GLUD1: variants seen among roughly 807,000 people sequenced by gnomAD.
GLUD1 encodes the protein glutamate dehydrogenase 1, also known as glutamate dehydrogenase 1, mitochondrial.
A neutral mutation model predicts 56.0 loss-of-function variants in GLUD1; 22 were observed. The ratio of observed to expected loss-of-function variants is 0.39; its 90% CI spans 0.28 to 0.56. GLUD1 has a LOEUF of 0.56. Among genes scored for constraint, GLUD1 ranks in the 20% least tolerant of loss-of-function variants. GLUD1 has a pLI of 0.58. For missense variants in GLUD1, 451 were observed against 732.0 expected (o/e 0.62, Z 4.43); for synonymous variants, 223 against 269.9 (o/e 0.83, Z 1.70).
At chr10:87,093,682 T>C (rs1841601676) in intron 1 of GLUD1, among the ~76,000 whole-genome samples, 2 of 152,246 alleles carry the variant, frequency 1.3e-5, no homozygotes, top group African/African-American at 2.4e-5. Flanking sequence ...GTCAGAGATA[T>C]TACATTGCTT....
chr10:87,054,796 G>A (rs1845722450), intron 11 of GLUD1, among the ~76,000 whole-genome samples: 1 of 152,172 alleles, frequency 6.6e-6, no homozygotes, highest in African/African-American at 2.4e-5. Flanking sequence ...TAGGAGAGAG[G>A]AGCAGACTTG....
rs1206370262 is a variant in GLUD1 at position 87,062,775 on chromosome 10, G to A, written c.802C>T (p.Arg268Cys). 2.5e-6 allele frequency: 4 copies of A among 1,614,098 alleles called. No individual in the cohort carries two copies. Among genetic ancestry groups the A allele is most frequent in the Admixed American group, 1.7e-5 (1 of 60,026 alleles). Residue 268 changes from arginine (R) to cysteine (C), a missense_variant, in exon 6 of 13, where the codon CGC (arginine) becomes TGC (cysteine). Physicochemically the swap from Arg to Cys is radical, Grantham distance 180. Around this residue, in one of 4 missense-constraint regions of GLUD1, gnomAD observed 248 missense variants for 460.0 expected, o/e 0.54. Transcript: ENST00000277865. ...ACACCACGGCCAGTAGCAGAGATGCGTCCATGGATTCCCCCTTGGCTGATG... is the reference window on the plus strand; with the variant it reads ...ACACCACGGCCAGTAGCAGAGATGCATCCATGGATTCCCCCTTGGCTGATG... ...KPISQGGIHG[R>C]ISATGRGVFH...
Position 87,064,782 on chromosome 10 carries a change from G to A in GLUD1, c.742-1947C>T, listed in dbSNP as rs561861679. 4.6e-5 allele frequency among the ~76,000 whole-genome samples: 7 copies of A among 152,300 alleles called. 1 individual carries two copies. The South Asian group carries it at 6.2e-4, about 14-fold the overall frequency. On this transcript the variant is annotated intron_variant, in intron 5 of 12. Transcript: ENST00000277865. Reference sequence around the variant, plus strand: ...ACTTATGAATACAGAAATGCAAACCGAGTGCCAAATGCTTTTAAACAGTGA... The same window carrying A: ...ACTTATGAATACAGAAATGCAAACCAAGTGCCAAATGCTTTTAAACAGTGA...
intron 4 of GLUD1, among the ~76,000 whole-genome samples, chr10:87,073,786 T>C (rs1846306197): frequency 6.6e-6 from 1 of 151,824 alleles, no homozygotes; most frequent in Non-Finnish European, 1.5e-5. Flanking sequence ...GCCTGGCAAA[T>C]TTTTTGTGTT....
intron 8 of GLUD1, 25 bp from the exon 9 acceptor site, chr10:87,060,266 G>A (rs549333564): frequency 6.6e-7 from 1 of 1,506,696 alleles, no homozygotes; most frequent in Admixed American, 1.7e-5. Context: ...GGAACATAGA[G>A]AAATGCGAAC....
chr10:87,094,104 G>T lies in GLUD1; in HGVS notation c.445+221C>A, dbSNP rs979290095. 47 of 1,503,754 alleles carry T rather than the reference G, an allele frequency of 3.1e-5. No homozygotes were observed. Among genetic ancestry groups the T allele is most frequent in the Non-Finnish European group, 3.8e-5 (43 of 1,128,474 alleles). The allele number at this position is 1,503,754 out of a possible 1,614,324, so 93.2% of individuals were successfully genotyped here. Reference sequence around the variant, plus strand: ...AGCATATACAGAGGCCCGGGGTGACGGCGCGGGGGAGGGGGCAGGCCAATC... The same window carrying T: ...AGCATATACAGAGGCCCGGGGTGACTGCGCGGGGGAGGGGGCAGGCCAATC... On this transcript the variant is annotated intron_variant, in intron 1 of 12. Transcript: ENST00000277865. This position sits in a 1 kb window ranked among gnomAD's most constrained non-coding sequence, Gnocchi z 6.6.
Position 87,094,083 on chromosome 10 carries a change from T to G in GLUD1, c.445+242A>C. On this transcript the variant is annotated intron_variant, in intron 1 of 12. Transcript: ENST00000277865. The surrounding 1 kb of genome is among the most constrained non-coding windows in gnomAD (Gnocchi z 6.6). ...GTCTACTCTGCATGCAAGATCAGCA[T>G]ATACAGAGGCCCGGGGTGACGGCGC... The G allele has an allele frequency of 6.6e-7, 1 of 1,512,172 alleles. No homozygotes were observed. The highest frequency in any genetic ancestry group is 2.5e-5 in the East Asian group (1 of 39,528). 93.7% of individuals were successfully genotyped at this position (1,512,172 alleles called of 1,614,324 possible). A position where few individuals can be genotyped will look rare whatever the true frequency, so the allele number is the denominator to read the frequency against.
intron 8 of GLUD1, 117 bp downstream of exon 8, chr10:87,060,571 C>G: frequency 2.5e-6 from 3 of 1,190,490 alleles, no homozygotes; most frequent in Non-Finnish European, 3.8e-6. Context: ...ATGGTATGTG[C>G]AGTATGTGCC....
At chr10:87,058,926 G>A (rs557685731) in intron 10 of GLUD1, among the ~76,000 whole-genome samples, 27 of 152,214 alleles carry the variant, frequency 1.8e-4, no homozygotes, top group African/African-American at 6.3e-4. Flanking sequence ...TATATTCTGT[G>A]AATATTACAT....
chr10:87,082,581 A>C (rs974972892), intron 1 of GLUD1, among the ~76,000 whole-genome samples: 2 of 152,246 alleles, frequency 1.3e-5, no homozygotes, highest in African/African-American at 4.8e-5. Flanking sequence ...CCAACAGAAC[A>C]GGGACAGGGA....
intron 3 of GLUD1, 110 bp from the exon 4 acceptor site, chr10:87,074,724 T>C (rs1846337322): frequency 1.5e-5 from 11 of 735,158 alleles, no homozygotes; most frequent in South Asian, 3.0e-5. Flanking sequence ...TGTCTTCTCA[T>C]GTAATCCTTA....
intron 4 of GLUD1, among the ~76,000 whole-genome samples, chr10:87,068,709 CTAT>C (rs1482545065): frequency 6.6e-6 from 1 of 152,018 alleles, no homozygotes; most frequent in African/African-American, 2.4e-5. Flanking sequence ...TGGCTGTGAC[CTAT>C]TATTCGACAT....
intron 1 of GLUD1, among the ~76,000 whole-genome samples, chr10:87,080,958 CGAGAGGGAG>C: frequency 6.8e-6 from 1 of 147,264 alleles, no homozygotes; most frequent in African/African-American, 2.5e-5. Flanking sequence ...CCAGCCGCTC[CGAGAGGGAG>C]GTGGGGGGGT....
chr10:87,057,534 G>T (rs1295156008), intron 11 of GLUD1, among the ~76,000 whole-genome samples, 157 bp downstream of exon 11: 1 of 152,148 alleles, frequency 6.6e-6, no homozygotes, highest in South Asian at 2.1e-4. Flanking sequence ...GTTTTAGAAT[G>T]TAATGAAAAG....
intron 1 of GLUD1, among the ~76,000 whole-genome samples, chr10:87,081,200 G>A (rs1276039835): frequency 5.5e-4 from 82 of 148,582 alleles, no homozygotes; most frequent in Admixed American, 1.3e-3. Flanking sequence ...GAGGTGGGGG[G>A]GTCAGCCCCC....
intron 1 of GLUD1, among the ~76,000 whole-genome samples, chr10:87,082,323 G>T (rs1378088654): frequency 2.6e-5 from 4 of 152,242 alleles, no homozygotes; most frequent in Admixed American, 2.6e-4. Context: ...CAGAAACTGT[G>T]TGTGTATAAC....
intron 4 of GLUD1, among the ~76,000 whole-genome samples, chr10:87,068,904 G>A (rs1846147182): frequency 6.7e-6 from 1 of 150,146 alleles, no homozygotes. Flanking sequence ...ATCTGTAAAG[G>A]TGCAGAAATA....
chr10:87,057,903 C>T, intron 10 of GLUD1, 121 bp from the exon 11 acceptor site: 2 of 667,530 alleles, frequency 3.0e-6, no homozygotes, highest in South Asian at 3.1e-5. Context: ...GAGTCGTGGT[C>T]TGTCACCCAG....
intron 1 of GLUD1, among the ~76,000 whole-genome samples, chr10:87,083,912 G>T (rs568601647): frequency 1.3e-5 from 2 of 152,260 alleles, no homozygotes; most frequent in Admixed American, 6.5e-5. Context: ...CTGGGTCTTT[G>T]GTCAACTGTG....
Sources: allele counts gnomAD v4.1 joint callset (sites outside exome capture counted in the v4.1 genomes callset), GRCh38; gene constraint gnomAD v4.1.1; regional missense constraint gnomAD v4.1.1; non-coding constraint Gnocchi (gnomAD v3.1); transcripts MANE v1.5; gene names NCBI Gene and HGNC (gene_info 2026-07-23, HGNC 2026-07-21).